Variants in ADARB2 observed in about 807,000 individuals in gnomAD.
ADARB2 encodes the protein inactive double-stranded RNA-specific editase B2.
In ADARB2, 25 loss-of-function variants were observed where a neutral mutation model predicts 62.2. That is an observed-to-expected ratio of 0.40 (90% CI 0.29 to 0.56). The LOEUF (loss-of-function observed/expected upper bound fraction) is 0.56. ADARB2 is among the 20% of genes least tolerant of loss of function. The pLI, the probability that ADARB2 is intolerant of heterozygous loss-of-function variation, is 0.43. For missense variants in ADARB2, 1,071 were observed against 1,077.4 expected (o/e 0.99, Z 0.08); for synonymous variants, 572 against 500.8 (o/e 1.14, Z -1.90).
chr10:1,731,579 T>C (rs1835232491), intron 1 of ADARB2, among the ~76,000 whole-genome samples: 1 of 152,268 alleles, frequency 6.6e-6, no homozygotes, highest in Non-Finnish European at 1.5e-5. Context: ...TTGAGTTATA[T>C]CAAAAGCTAG....
chr10:1,383,235 A>T (rs1039291545), intron 1 of ADARB2, among the ~76,000 whole-genome samples: 1 of 152,132 alleles, frequency 6.6e-6, no homozygotes, highest in African/African-American at 2.4e-5. Context: ...TTCTGAGGTT[A>T]TTGTCGGTTT....
intron 1 of ADARB2, among the ~76,000 whole-genome samples, chr10:1,505,210 C>A (rs1831826860): frequency 6.6e-6 from 1 of 152,118 alleles, no homozygotes; most frequent in African/African-American, 2.4e-5. Flanking sequence ...CAGAGACACA[C>A]ATGCACACAC....
At chr10:1,550,322 C>T (rs2813354) in intron 1 of ADARB2, among the ~76,000 whole-genome samples, 2,414 of 152,288 alleles carry the variant, frequency 0.016, 60 homozygotes, top group African/African-American at 0.055. Flanking sequence ...CAAAGTACCA[C>T]GGAAAATGCC....
intron 6 of ADARB2, among the ~76,000 whole-genome samples, chr10:1,225,491 A>G (rs1830736940): frequency 6.6e-6 from 1 of 152,136 alleles, no homozygotes; most frequent in South Asian, 2.1e-4. Context: ...TAGTTGATGC[A>G]GTTTCTTCCT....
chr10:1,571,951 G>A (rs1344845331), intron 1 of ADARB2, among the ~76,000 whole-genome samples: 2 of 146,502 alleles, frequency 1.4e-5, no homozygotes, highest in African/African-American at 5.1e-5. Context: ...GGACAGGTGA[G>A]TAGGCAGGTG....
At chr10:1,270,118 C>G (rs959441689) in intron 4 of ADARB2, among the ~76,000 whole-genome samples, 12 of 152,196 alleles carry the variant, frequency 7.9e-5, no homozygotes, top group African/African-American at 2.9e-4. Flanking sequence ...TTCCAGTGTT[C>G]CCACACCCAG....
chr10:1,326,528 T>A (rs936440643), intron 3 of ADARB2, among the ~76,000 whole-genome samples: 1 of 152,238 alleles, frequency 6.6e-6, no homozygotes, highest in African/African-American at 2.4e-5. Flanking sequence ...TGTCACTGTT[T>A]TTATATGAAC....
At chr10:1,645,852 C>T (rs74593297) in intron 1 of ADARB2, among the ~76,000 whole-genome samples, 2,032 of 152,298 alleles carry the variant, frequency 0.013, 59 homozygotes, top group African/African-American at 0.046. Flanking sequence ...CTTTTTCATC[C>T]GTCATTCTTC....
chr10:1,570,063 A>T (rs1330440972), intron 1 of ADARB2, among the ~76,000 whole-genome samples: 1 of 152,220 alleles, frequency 6.6e-6, no homozygotes, highest in African/African-American at 2.4e-5. Flanking sequence ...TTTGGCACCG[A>T]GAACAAGATT....
chr10:1,576,515 G>A (rs933841819), intron 1 of ADARB2, among the ~76,000 whole-genome samples: 3 of 152,160 alleles, frequency 2.0e-5, no homozygotes, highest in Non-Finnish European at 1.5e-5. Flanking sequence ...GCTGGCAGGA[G>A]CCGAGAGGAC....
intron 1 of ADARB2, among the ~76,000 whole-genome samples, chr10:1,632,482 G>T (rs893202330): frequency 6.6e-6 from 1 of 152,226 alleles, no homozygotes; most frequent in Admixed American, 6.5e-5. Context: ...CACACACACT[G>T]GATACTCACA....
rs553230649 is a variant in ADARB2 at position 1,312,617 on chromosome 10, T to C, written c.1078-41548A>G. ...AAGCATGCACATCTCCCTTTGGCTG[T>C]CACAGTAACCCTTTGAGGTAGGCGC... is the stretch of plus-strand genomic sequence containing the variant. On this transcript the variant is annotated intron_variant, in intron 3 of 9. Coordinates refer to ENST00000381312, the MANE Select transcript of ADARB2 (RefSeq NM_018702.4). Among the ~76,000 whole-genome samples, 7 of 152,344 alleles carry C rather than the reference T, an allele frequency of 4.6e-5. No individual in the cohort carries two copies. In the South Asian group the frequency reaches 1.4e-3, roughly 32 times the overall value.
chr10:1,564,784 CT>C (rs59446234), intron 1 of ADARB2, among the ~76,000 whole-genome samples: 2,739 of 147,336 alleles, frequency 0.019, 77 homozygotes, highest in African/African-American at 0.061. Flanking sequence ...CTTTTATTAC[CT>C]TTTTTTTTTT....
intron 1 of ADARB2, among the ~76,000 whole-genome samples, chr10:1,467,317 A>G (rs1831266241): frequency 6.6e-6 from 1 of 152,182 alleles, no homozygotes; most frequent in Admixed American, 6.5e-5. Context: ...TTCAAAGCAA[A>G]CATCTCTCTG....
intron 3 of ADARB2, among the ~76,000 whole-genome samples, chr10:1,331,956 C>A (rs1039376688): frequency 1.3e-5 from 2 of 152,118 alleles, no homozygotes; most frequent in African/African-American, 4.8e-5. Flanking sequence ...GCTATTTGAA[C>A]AGTTTGGGAA....
At chr10:1,533,520 G>A (rs946922328) in intron 1 of ADARB2, among the ~76,000 whole-genome samples, 2 of 152,200 alleles carry the variant, frequency 1.3e-5, no homozygotes, top group African/African-American at 4.8e-5. Flanking sequence ...CCAAGGCTAC[G>A]CTGGGAGCAC....
At chr10:1,306,392 G>C (rs1015831740) in intron 3 of ADARB2, among the ~76,000 whole-genome samples, 1 of 151,776 alleles carries the variant, frequency 6.6e-6, no homozygotes, top group Non-Finnish European at 1.5e-5. Flanking sequence ...ACAAACCACT[G>C]CTCAAGGAAA....
chr10:1,667,647 AC>A (rs1174879925), intron 1 of ADARB2, among the ~76,000 whole-genome samples: 1 of 152,188 alleles, frequency 6.6e-6, no homozygotes, highest in Non-Finnish European at 1.5e-5. Context: ...TGCAGCCCAC[AC>A]TTAGCAGGCT....
At chr10:1,626,717 C>G (rs1250716063) in intron 1 of ADARB2, among the ~76,000 whole-genome samples, 1 of 152,186 alleles carries the variant, frequency 6.6e-6, no homozygotes, top group Non-Finnish European at 1.5e-5. Flanking sequence ...TGGCTACACA[C>G]GTCCCGGCTT....
Sources: gnomAD v4.1 joint callset for allele counts (sites outside exome capture counted in the v4.1 genomes callset) on GRCh38, gnomAD v4.1.1 for gene constraint, MANE v1.5 for transcripts, NCBI Gene and HGNC (gene_info 2026-07-23, HGNC 2026-07-21) for gene names.